MAP7D3: variants seen among roughly 807,000 people sequenced by gnomAD.
MAP7D3 encodes MAP7 domain-containing protein 3.
Under a neutral mutation model 62.2 loss-of-function variants are expected in MAP7D3, and 45 were observed. That is an observed-to-expected ratio of 0.72 (90% CI 0.57 to 0.93). MAP7D3 has a LOEUF of 0.93. Ranked by LOEUF, MAP7D3 falls within the 40% of genes least tolerant of loss-of-function variation. The probability of loss-of-function intolerance (pLI) is 0.00; values close to 1 mark genes in which losing one functional copy is unlikely to be tolerated. For synonymous variants in MAP7D3, 288 were observed against 248.8 expected (o/e 1.16, Z -1.48); for missense variants, 711 against 683.1 (o/e 1.04, Z -0.45).
intron 6 of MAP7D3, among the ~76,000 whole-genome samples, chrX:136,239,841 T>C (rs2074368481): frequency 8.9e-6 from 1 of 112,321 alleles, no homozygotes; most frequent in Non-Finnish European, 1.9e-5. Context: ...CAAAATATGT[T>C]TCAGTTTCAG....
chrX:136,251,545 A>G (rs1342322517), upstream of MAP7D3: 29 of 833,049 alleles, frequency 3.5e-5, no homozygotes, highest in Non-Finnish European at 3.9e-5. Flanking sequence ...CTTGCGTCCC[A>G]CGTCCTGACC....
upstream of MAP7D3, chrX:136,251,642 G>T: frequency 1.5e-6 from 1 of 650,792 alleles, no homozygotes; most frequent in Non-Finnish European, 1.9e-6. Context: ...TAGCCAATCA[G>T]CACCCAGCTT....
chrX:136,213,604 CA>C (rs1429335772), downstream of MAP7D3: 29 of 111,578 alleles, frequency 2.6e-4, no homozygotes, highest in African/African-American at 8.8e-4. Flanking sequence ...TGCCAACAAA[CA>C]TTTCATTCCC....
At chrX:136,255,116 G>A (rs1030241930), upstream of MAP7D3, among the ~76,000 whole-genome samples, 1 of 111,890 alleles carries the variant, frequency 8.9e-6, no homozygotes, top group Non-Finnish European at 1.9e-5. Context: ...ACTAGGAGGC[G>A]GAGGCAGGAG....
chrX:136,225,829 T>A, intron 13 of MAP7D3, 80 bp downstream of exon 13: 1 of 641,962 alleles, frequency 1.6e-6, no homozygotes, highest in Non-Finnish European at 2.4e-6. Context: ...AGATTTGTGA[T>A]TTTTAAAAAC....
chrX:136,236,103 T>C, intron 7 of MAP7D3, 141 bp downstream of exon 7: 1 of 422,071 alleles, frequency 2.4e-6, no homozygotes, highest in Non-Finnish European at 4.1e-6. Context: ...CAAATAAGCA[T>C]GGCACCAAAG....
chrX:136,228,382 C>T (rs894000441), intron 11 of MAP7D3, among the ~76,000 whole-genome samples: 1 of 111,649 alleles, frequency 9.0e-6, no homozygotes, highest in African/African-American at 3.3e-5. Flanking sequence ...CCTAGCACAC[C>T]TTAATGGCAC....
intron 11 of MAP7D3, 27 bp downstream of exon 11, chrX:136,228,596 G>C: frequency 8.4e-7 from 1 of 1,187,735 alleles, no homozygotes; most frequent in Non-Finnish European, 1.1e-6. Flanking sequence ...AAGATTTATA[G>C]TATAGGAAGG....
downstream of MAP7D3, chrX:136,214,923 C>CA (rs1456012013): frequency 1.8e-5 from 2 of 112,003 alleles, no homozygotes; most frequent in South Asian, 7.5e-4. Flanking sequence ...TCCTGGTAGA[C>CA]AGTTTCAATG....
At position 136,217,715 on chromosome X, in the gene MAP7D3, C is replaced by G. The variant is rs1315887818; in HGVS notation, c.*811G>C. 2 of 111,985 alleles carry G rather than the reference C, an allele frequency of 1.8e-5. No homozygotes were observed. The highest frequency in any genetic ancestry group is 3.8e-5 in the Non-Finnish European group (2 of 53,151). The allele number at this position is 111,985 out of a possible 1,213,427, so 9.2% of individuals were successfully genotyped here. On this transcript the variant is annotated 3_prime_UTR_variant, in exon 19 of 19. Coordinates refer to ENST00000316077, the MANE Select transcript of MAP7D3 (RefSeq NM_024597.4). ...TAATCTATTCTGTTCTCTACAAGAT[C>G]AACTGTGAGTTTTTAGCTGTCAAAA...
chrX:136,255,046 T>A (rs910644944), upstream of MAP7D3, among the ~76,000 whole-genome samples: 1 of 111,528 alleles, frequency 9.0e-6, no homozygotes, highest in Non-Finnish European at 1.9e-5. Flanking sequence ...TGAAGCTCCA[T>A]CTCTACTAAA....
chrX:136,218,455 A>T lies in MAP7D3; in HGVS notation c.*71T>A, dbSNP rs2074084982. 1 of 111,918 alleles carries T rather than the reference A, an allele frequency of 8.9e-6. No homozygotes were observed. Among genetic ancestry groups the T allele is most frequent in the African/African-American group, 3.2e-5 (1 of 30,783 alleles). 9.2% of individuals were successfully genotyped at this position (111,918 alleles called of 1,213,427 possible). A position where few individuals can be genotyped will look rare whatever the true frequency, so the allele number is the denominator to read the frequency against. The stretch of plus-strand genomic sequence containing the variant: ...CAGGAGTTGAGTTATCCAGAGTGGA[A>T]GATGTATTCATCTCCCAGGCTGAGT... On this transcript the variant is annotated 3_prime_UTR_variant, in exon 19 of 19. Transcript: ENST00000316077.
chrX:136,220,800 G>A lies in MAP7D3; in HGVS notation c.2451C>T (p.Ser817=). 8.3e-7 allele frequency: 1 copy of A among 1,211,043 alleles called. No individual in the cohort carries two copies. The highest frequency in any genetic ancestry group is 1.1e-6 in the Non-Finnish European group (1 of 894,913). ...NGDLKNFRQK[S]MKDTSIQEVV... ...CTTCCTGTATTGAAGTGTCTTTCAT[G>A]CTTTTTTGTCTGAAGTTTTTCAAAT... The change falls in exon 16 of 19, where the codon AGC becomes AGT. Residue 817 remains serine (S), a synonymous_variant. Transcript: ENST00000316077.
intron 14 of MAP7D3, among the ~76,000 whole-genome samples, chrX:136,223,957 T>TGGGTGGATTGCTTGAGCTTGGG (rs2074160614): frequency 9.9e-6 from 1 of 100,990 alleles, no homozygotes; most frequent in East Asian, 3.1e-4. Context: ...AAGGGTGAGA[T>TGGGTGGATTGCTTGAGCTTGGG]GGGTGGATTG....
At chrX:136,250,442 G>A (rs1205845622) in intron 1 of MAP7D3, among the ~76,000 whole-genome samples, 2 of 111,661 alleles carry the variant, frequency 1.8e-5, no homozygotes, top group African/African-American at 6.5e-5. Flanking sequence ...AATTGTATAA[G>A]ATTAACGGTT....
In MAP7D3 at chrX:136,218,225, A is replaced by G. The variant is rs1031197872; in HGVS notation, c.*301T>C. ...AGCAAACACATTGGTGGGACAACAC[A>G]AGAATGAGAGACAATGATGATTTTC... is the stretch of plus-strand genomic sequence containing the variant. On this transcript the variant is annotated 3_prime_UTR_variant, in exon 19 of 19. Transcript: ENST00000316077. 14 of 112,221 alleles carry G rather than the reference A, an allele frequency of 1.2e-4. No homozygotes were observed. The highest frequency in any genetic ancestry group is 8.5e-4 in the Admixed American group (9 of 10,618). The allele number at this position is 112,221 out of a possible 1,213,427, so 9.2% of individuals were successfully genotyped here. A position where few individuals can be genotyped will look rare whatever the true frequency, so the allele number is the denominator to read the frequency against.
At chrX:136,229,501 A>G (rs1364027983) in intron 10 of MAP7D3, among the ~76,000 whole-genome samples, 1 of 111,255 alleles carries the variant, frequency 9.0e-6, no homozygotes, top group Non-Finnish European at 1.9e-5. Context: ...TTAAGAATGC[A>G]CGTAACAGGC....
In MAP7D3 at chrX:136,246,336, C is replaced by T. The variant is rs749484495; in HGVS notation, c.76G>A (p.Ala26Thr). The T allele has an allele frequency of 1.4e-5, 17 of 1,173,343 alleles. No individual in the cohort carries two copies. The highest frequency in any genetic ancestry group is 2.0e-5 in the Non-Finnish European group (17 of 861,595). Residue 26 changes from alanine to threonine, a missense_variant, in exon 2 of 19, where the codon GCA (alanine) becomes ACA (threonine). Transcript: ENST00000316077. ...LRELRARMVA[A>T]ANEIAKERRK... ...CTTTCCTTAGCAATCTCGTTTGCTGCAGCAACTAAAATACAGGGAGATAAA... is the reference window on the plus strand; with the variant it reads ...CTTTCCTTAGCAATCTCGTTTGCTGTAGCAACTAAAATACAGGGAGATAAA...
In MAP7D3 at chrX:136,220,855, C is replaced by T. The variant is rs2074117891; in HGVS notation, c.2396G>A (p.Arg799His). The T allele has an allele frequency of 4.1e-6, 5 of 1,205,593 alleles. No homozygotes were observed. Among genetic ancestry groups the T allele is most frequent in the Admixed American group, 2.2e-5 (1 of 45,993 alleles). ...ATTAAAATATGTTTTTGGCTCTTTA[C>T]GGACCTGGCTGGTACCATCTTCTAG... ...VFLEDGTSQV[R>H]KEPKTYFNGD... The change falls in exon 16 of 19, where the codon CGT (arginine) becomes CAT (histidine). Residue 799 changes from arginine to histidine, a missense_variant. Arg to His is a conservative substitution (Grantham distance 29). Coordinates refer to ENST00000316077, the MANE Select transcript of MAP7D3 (RefSeq NM_024597.4).
Sources: gnomAD v4.1 joint callset for allele counts (sites outside exome capture counted in the v4.1 genomes callset) on GRCh38, gnomAD v4.1.1 for gene constraint, MANE v1.5 for transcripts, NCBI Gene and HGNC (gene_info 2026-07-23, HGNC 2026-07-21) for gene names.